The following CDH4 variants were observed in gnomAD, a reference collection of about 807,000 sequenced individuals.
CDH4 encodes cadherin-4.
Under a neutral mutation model 86.0 loss-of-function variants are expected in CDH4, and 33 were observed. The ratio of observed to expected loss-of-function variants is 0.38; its 90% CI spans 0.29 to 0.51. The LOEUF is 0.51. Ranked by LOEUF, CDH4 falls within the 20% of genes least tolerant of loss-of-function variation. The pLI is 0.86. For synonymous variants in CDH4, 555 were observed against 549.4 expected, an observed-to-expected ratio of 1.01 and a Z score of -0.14; for missense variants, 1,114 against 1,307.4, an observed-to-expected ratio of 0.85 and a Z score of 2.28.
intron 2 of CDH4, among the ~76,000 whole-genome samples, chr20:61,564,161 C>T (rs564003616): frequency 6.6e-6 from 1 of 152,300 alleles, no homozygotes; most frequent in Admixed American, 6.5e-5. Flanking sequence ...AAATCCAGGA[C>T]AACCTCATCC....
At chr20:61,873,304 C>T (rs1274772802) in intron 6 of CDH4, among the ~76,000 whole-genome samples, 2 of 152,196 alleles carry the variant, frequency 1.3e-5, no homozygotes, top group Non-Finnish European at 2.9e-5. Flanking sequence ...TGCTTCAGTG[C>T]CTGAGTCCCT....
intron 2 of CDH4, among the ~76,000 whole-genome samples, chr20:61,390,254 T>A (rs1340946544): frequency 2.3e-5 from 2 of 87,842 alleles, no homozygotes; most frequent in South Asian, 4.7e-4. Context: ...CCCAATTGGG[T>A]TCGTGCGGTC....
intron 2 of CDH4, among the ~76,000 whole-genome samples, chr20:61,565,077 GTGGTGGTGGTGCTCT>G (rs1469988894): frequency 5.1e-5 from 7 of 136,474 alleles, no homozygotes; most frequent in Admixed American, 7.3e-5. Context: ...GGTGGTGGTG[GTGGTGGTGGTGCTCT>G]TGGTGGTGCT....
At chr20:61,638,266 T>C (rs927961240) in intron 2 of CDH4, among the ~76,000 whole-genome samples, 1 of 152,192 alleles carries the variant, frequency 6.6e-6, no homozygotes, top group Non-Finnish European at 1.5e-5. Context: ...AGTAAACACT[T>C]ACCTCGATGA....
chr20:61,271,458 C>T (rs1408078824), intron 2 of CDH4, among the ~76,000 whole-genome samples: 2 of 152,202 alleles, frequency 1.3e-5, no homozygotes, highest in Non-Finnish European at 2.9e-5. Flanking sequence ...GCTGAGTCAG[C>T]ACAGCAGAGA....
intron 2 of CDH4, among the ~76,000 whole-genome samples, chr20:61,538,525 G>A (rs1296123449): frequency 2.0e-5 from 3 of 152,152 alleles, no homozygotes; most frequent in African/African-American, 7.2e-5. Context: ...CTTTCGCCTG[G>A]CCTTCCTGGA....
intron 2 of CDH4, among the ~76,000 whole-genome samples, chr20:61,322,977 C>T (rs537346211): frequency 2.0e-5 from 3 of 152,314 alleles, no homozygotes; most frequent in South Asian, 2.1e-4. Context: ...AGCTCTAGAA[C>T]ATTCAAGGAT....
At chr20:61,426,956 A>G (rs986818513) in intron 2 of CDH4, among the ~76,000 whole-genome samples, 1 of 152,222 alleles carries the variant, frequency 6.6e-6, no homozygotes, top group Non-Finnish European at 1.5e-5. Context: ...GTGATTGGGT[A>G]CTGTGTTCCA....
At chr20:61,604,344 G>T (rs1011602140) in intron 2 of CDH4, among the ~76,000 whole-genome samples, 1 of 152,178 alleles carries the variant, frequency 6.6e-6, no homozygotes, top group Non-Finnish European at 1.5e-5. Context: ...GGCCTTTTTG[G>T]ACAGTGACGA....
chr20:61,717,162 C>T (rs1306665666), intron 2 of CDH4, among the ~76,000 whole-genome samples: 1 of 152,174 alleles, frequency 6.6e-6, no homozygotes, highest in Non-Finnish European at 1.5e-5. Context: ...ATGAGTAAAG[C>T]ACTCAACATG....
intron 2 of CDH4, among the ~76,000 whole-genome samples, chr20:61,277,385 G>A (rs2084236678): frequency 1.3e-5 from 2 of 152,212 alleles, no homozygotes; most frequent in South Asian, 4.1e-4. Context: ...GCGTGTGTAT[G>A]CATGTGTTAG....
At chr20:61,876,133 G>GAGGAA (rs1372144789) in intron 7 of CDH4, among the ~76,000 whole-genome samples, 21 of 152,258 alleles carry the variant, frequency 1.4e-4, no homozygotes, top group African/African-American at 4.6e-4. Flanking sequence ...TGTCCAAGGA[G>GAGGAA]AGGACAGGAC....
At chr20:61,698,881 A>G (rs900360226) in intron 2 of CDH4, among the ~76,000 whole-genome samples, 1 of 152,214 alleles carries the variant, frequency 6.6e-6, no homozygotes, top group African/African-American at 2.4e-5. Flanking sequence ...TGGGGCTGAG[A>G]GTTCGGAGTG....
intron 6 of CDH4, among the ~76,000 whole-genome samples, chr20:61,858,385 ATCTGTGTC>A (rs544156781): frequency 0.017 from 1,418 of 84,704 alleles, 17 homozygotes; most frequent in African/African-American, 0.062. Flanking sequence ...CTGTATGTGT[ATCTGTGTC>A]TCTGTGTCTG....
chr20:61,389,368 ATC>A (rs1470667080), intron 2 of CDH4, among the ~76,000 whole-genome samples: 1 of 152,154 alleles, frequency 6.6e-6, no homozygotes, highest in African/African-American at 2.4e-5. Context: ...GCTCCTAAAC[ATC>A]TGTTTGTCCC....
At chr20:61,404,394 T>C (rs1341384806) in intron 2 of CDH4, among the ~76,000 whole-genome samples, 1 of 152,170 alleles carries the variant, frequency 6.6e-6, no homozygotes, top group Non-Finnish European at 1.5e-5. Context: ...TCCACAATGG[T>C]AGAGTGCTTT....
intron 7 of CDH4, among the ~76,000 whole-genome samples, chr20:61,884,771 T>A (rs551906317): frequency 6.6e-6 from 1 of 152,112 alleles, no homozygotes; most frequent in South Asian, 2.1e-4. Context: ...CAGCACCTCC[T>A]CCCAGAACAG....
At chr20:61,296,275 GC>G (rs2084352934) in intron 2 of CDH4, among the ~76,000 whole-genome samples, 1 of 18,104 alleles carries the variant, frequency 5.5e-5, no homozygotes, top group Non-Finnish European at 2.0e-4. Flanking sequence ...GTGTGTGTGT[GC>G]GTGGGTGCGT....
rs527738849 is a variant in CDH4, at chr20:61,628,739, G to C, written c.170-114824G>C. Reference sequence around the variant, plus strand: ...GCCCACTGACTTGGGATGTCACACAGAGACTTGCAGCCAAGAAGACAGAGC... The same window carrying C: ...GCCCACTGACTTGGGATGTCACACACAGACTTGCAGCCAAGAAGACAGAGC... On this transcript the variant is annotated intron_variant, in intron 2 of 15. Coordinates refer to ENST00000614565, the MANE Select transcript of CDH4 (RefSeq NM_001794.5). 5.3e-5 allele frequency among the ~76,000 whole-genome samples: 8 copies of C among 152,324 alleles called. No homozygotes were observed. In the East Asian group the frequency reaches 7.8e-4, roughly 15 times the overall value.
Sources: gnomAD v4.1 joint callset for allele counts (sites outside exome capture counted in the v4.1 genomes callset) on GRCh38, gnomAD v4.1.1 for gene constraint, MANE v1.5 for transcripts, NCBI Gene and HGNC (gene_info 2026-07-23, HGNC 2026-07-21) for gene names.